Variants in MAST4 observed in about 807,000 individuals in gnomAD.
MAST4 encodes the protein microtubule associated serine/threonine kinase family member 4.
Under a neutral mutation model 162.7 loss-of-function variants are expected in MAST4, and 89 were observed. The observed-to-expected ratio is 0.55, with a 90% CI of 0.46 to 0.65. The LOEUF is 0.65. Among genes scored for constraint, MAST4 ranks in the 30% least tolerant of loss-of-function variants. The pLI is 0.00. For missense variants in MAST4, 3,153 were observed against 3,374.0 expected (o/e 0.93, Z 1.62); for synonymous variants, 1,479 against 1,361.1 (o/e 1.09, Z -1.91).
chr5:66,907,204 A>AGAAT (rs1763425601), intron 4 of MAST4, among the ~76,000 whole-genome samples: 1 of 86,486 alleles, frequency 1.2e-5, no homozygotes, highest in Non-Finnish European at 2.5e-5. Context: ...AGAGAGAGAG[A>AGAAT]GAGTCCTGCT....
intron 4 of MAST4, among the ~76,000 whole-genome samples, chr5:67,002,509 A>C (rs1751407154): frequency 6.6e-6 from 1 of 152,210 alleles, no homozygotes; most frequent in African/African-American, 2.4e-5. Flanking sequence ...AATTATACAC[A>C]GTGTGATCAG....
chr5:66,633,822 C>G (rs1277924738), intron 1 of MAST4, among the ~76,000 whole-genome samples: 1 of 152,158 alleles, frequency 6.6e-6, no homozygotes, highest in African/African-American at 2.4e-5. Context: ...GCCTACCAGA[C>G]AGCTGATTCC....
chr5:66,671,296 G>A (rs956427986), intron 1 of MAST4, among the ~76,000 whole-genome samples: 3 of 152,176 alleles, frequency 2.0e-5, no homozygotes, highest in South Asian at 2.1e-4. Context: ...CCATTCTTTT[G>A]TTCTTTGGGG....
At chr5:67,073,600 A>G (rs1320723115) in intron 5 of MAST4, among the ~76,000 whole-genome samples, 18 of 152,362 alleles carry the variant, frequency 1.2e-4, no homozygotes, top group Non-Finnish European at 4.4e-5. Context: ...AATTAGCCAA[A>G]TAAATCAGTG....
chr5:67,030,608 A>G (rs1383619071), intron 4 of MAST4, among the ~76,000 whole-genome samples: 1 of 152,280 alleles, frequency 6.6e-6, no homozygotes, highest in East Asian at 1.9e-4. Context: ...TCTGTTTTGT[A>G]TTAGTAATGA....
At chr5:67,017,331 C>T (rs1416748900) in intron 4 of MAST4, among the ~76,000 whole-genome samples, 1 of 152,066 alleles carries the variant, frequency 6.6e-6, no homozygotes, top group Admixed American at 6.5e-5. Flanking sequence ...AGAAGTCTTC[C>T]CTTTAGGAAC....
At chr5:66,816,170 C>T (rs561797288) in intron 3 of MAST4, among the ~76,000 whole-genome samples, 3 of 152,232 alleles carry the variant, frequency 2.0e-5, no homozygotes, top group South Asian at 4.2e-4. Context: ...GCTTTGAATG[C>T]AGCCTAACAC....
intron 1 of MAST4, among the ~76,000 whole-genome samples, chr5:66,679,723 G>C (rs969865466): frequency 2.0e-5 from 3 of 151,866 alleles, no homozygotes; most frequent in Admixed American, 6.6e-5. Context: ...GGGGTTGCAG[G>C]CTCTCCAGTT....
chr5:66,702,365 C>T (rs1417459114), intron 1 of MAST4, among the ~76,000 whole-genome samples: 1 of 152,118 alleles, frequency 6.6e-6, no homozygotes, highest in Non-Finnish European at 1.5e-5. Context: ...ATGGAGCTGA[C>T]ATTAGGGGTA....
At chr5:66,814,442 G>A (rs1428990129) in intron 3 of MAST4, among the ~76,000 whole-genome samples, 1 of 152,090 alleles carries the variant, frequency 6.6e-6, no homozygotes, top group East Asian at 1.9e-4. Flanking sequence ...TGTAAAAGAG[G>A]CCAGCAGTCC....
chr5:66,625,134 A>C (rs184605509), intron 1 of MAST4, among the ~76,000 whole-genome samples: 58 of 152,264 alleles, frequency 3.8e-4, no homozygotes, highest in Non-Finnish European at 5.4e-4. Context: ...CCCTCAGCTC[A>C]CTGTGACACT....
At chr5:67,048,770 C>A (rs1757685358) in intron 4 of MAST4, among the ~76,000 whole-genome samples, 1 of 151,582 alleles carries the variant, frequency 6.6e-6, no homozygotes, top group Non-Finnish European at 1.5e-5. Flanking sequence ...TTTTAAATCA[C>A]CTAGTCAATA....
chr5:66,832,739 C>T (rs1415016269), intron 3 of MAST4, among the ~76,000 whole-genome samples: 1 of 152,104 alleles, frequency 6.6e-6, no homozygotes, highest in African/African-American at 2.4e-5. Context: ...TGTCTATATT[C>T]ATTTGAAGAC....
In MAST4 at chr5:66,613,117, G is replaced by C. The variant is rs183793576; in HGVS notation, c.363+16099G>C. On this transcript the variant is annotated intron_variant, in intron 1 of 28. Transcript: ENST00000403625. ...ATTTAAATAGAGACAGGGTCTTGCT[G>C]TATAGCCCAGGCATTCTTGAACTCC... Among the ~76,000 whole-genome samples the C allele has an allele frequency of 2.0e-5, 3 of 152,172 alleles. No homozygotes were observed. The East Asian group carries it at 5.8e-4, about 29-fold the overall frequency.
chr5:66,901,278 C>CT (rs1328495710), intron 4 of MAST4, among the ~76,000 whole-genome samples: 4 of 151,748 alleles, frequency 2.6e-5, no homozygotes, highest in African/African-American at 9.7e-5. Context: ...TGCTTTTAGC[C>CT]TTTTTAATAG....
At position 67,110,195 on chromosome 5, in the gene MAST4, G is replaced by A. The variant is rs1308527832; in HGVS notation, c.1454G>A (p.Cys485Tyr). ...VIARPARLLECLEFDPEEFYY... is the reference protein window; with the variant it reads ...VIARPARLLEYLEFDPEEFYY... ...GCCCGCCCTGCTCGGTTATTAGAGT[G>A]CCTGGTAAGTTGCCCCTTGATGTGA... The change falls in exon 11 of 29, where the codon TGC (cysteine) becomes TAC (tyrosine). Residue 485 changes from cysteine (C) to tyrosine (Y), a missense_variant. This residue lies in a region of MAST4 where 360 missense variants were observed against 450.0 expected (regional missense o/e 0.80). Transcript: ENST00000403625. 1.9e-6 allele frequency: 3 copies of A among 1,611,334 alleles called. No individual in the cohort carries two copies. Among genetic ancestry groups the A allele is most frequent in the Non-Finnish European group, 2.5e-6 (3 of 1,177,586 alleles).
Position 67,152,787 on chromosome 5 carries a change from A to G in MAST4, c.3446A>G (p.Lys1149Arg). ...HQPIVIHSSG[K>R]NYGFTIRAIR... ...CCGATTGTGATCCACAGTTCGGGGA[A>G]GAACTACGGCTTTACCATCCGAGCC... The change falls in exon 25 of 29, where the codon AAG becomes AGG. Residue 1149 changes from lysine (K) to arginine (R), a missense_variant. Lys to Arg is a conservative substitution (Grantham distance 26, BLOSUM62 2). This residue lies in a region of MAST4 where 619 missense variants were observed against 744.2 expected (regional missense o/e 0.83). Coordinates refer to ENST00000403625, the MANE Select transcript of MAST4 (RefSeq NM_001164664.2). The G allele has an allele frequency of 1.9e-6, 3 of 1,614,052 alleles. No homozygotes were observed. The highest frequency in any genetic ancestry group is 1.1e-5 in the South Asian group (1 of 91,082).
At chr5:66,959,404 G>A in intron 4 of MAST4, 2 of 733,926 alleles carry the variant, frequency 2.7e-6, no homozygotes, top group South Asian at 2.9e-5. Flanking sequence ...GAGCACTGCA[G>A]TGTGAGGTGG....
chr5:66,702,965 T>C (rs1749877719), intron 1 of MAST4, among the ~76,000 whole-genome samples: 1 of 152,082 alleles, frequency 6.6e-6, no homozygotes, highest in Non-Finnish European at 1.5e-5. Context: ...AGAAGGGGGA[T>C]GTCAGTGGCT....
Sources: gnomAD v4.1 joint callset for allele counts (sites outside exome capture counted in the v4.1 genomes callset) on GRCh38, gnomAD v4.1.1 for gene constraint, gnomAD v4.1.1 regional missense constraint, MANE v1.5 for transcripts, NCBI Gene and HGNC (gene_info 2026-07-23, HGNC 2026-07-21) for gene names.